Variants in SYT1 observed in about 807,000 individuals in gnomAD.
SYT1 encodes the protein synaptotagmin-1.
In SYT1, 8 loss-of-function variants were observed where a neutral mutation model predicts 44.8. The ratio of observed to expected loss-of-function variants is 0.18; its 90% CI spans 0.10 to 0.32. SYT1 has a LOEUF of 0.32. SYT1 is among the 10% of genes least tolerant of loss of function. SYT1 has a pLI of 1.00. For missense variants in SYT1, 286 were observed against 509.3 expected, an observed-to-expected ratio of 0.56 and a Z score of 4.22; for synonymous variants, 154 against 188.8, an observed-to-expected ratio of 0.82 and a Z score of 1.51.
chr12:79,087,918 A>G (rs962474095), intron 3 of SYT1, among the ~76,000 whole-genome samples: 33 of 152,068 alleles, frequency 2.2e-4, no homozygotes, highest in African/African-American at 7.2e-4. Flanking sequence ...GAGATACACA[A>G]ACTGATATTC....
intron 3 of SYT1, among the ~76,000 whole-genome samples, chr12:79,088,795 AG>A (rs1877575698): frequency 7.1e-6 from 1 of 140,904 alleles, no homozygotes; most frequent in Non-Finnish European, 1.6e-5. Context: ...TGTGTGTGTG[AG>A]GGGGCAGAGA....
intron 4 of SYT1, among the ~76,000 whole-genome samples, chr12:79,258,613 T>C (rs1877661252): frequency 6.6e-6 from 1 of 152,156 alleles, no homozygotes; most frequent in African/African-American, 2.4e-5. Context: ...AGGGTTTTCT[T>C]AGGAATAAAA....
At chr12:79,004,796 G>C (rs989132535) in intron 2 of SYT1, among the ~76,000 whole-genome samples, 1 of 151,902 alleles carries the variant, frequency 6.6e-6, no homozygotes, top group African/African-American at 2.4e-5. Context: ...AGGAAATGGA[G>C]CAGAAAGTGA....
intron 4 of SYT1, 76 bp from the exon 5 acceptor site, chr12:79,285,711 C>T (rs1879275703): frequency 8.8e-7 from 1 of 1,142,564 alleles, no homozygotes; most frequent in Non-Finnish European, 1.3e-6. Context: ...AAATGAATAT[C>T]TTTATAGCCC....
At chr12:79,078,920 A>G (rs936303388) in intron 3 of SYT1, among the ~76,000 whole-genome samples, 8 of 152,172 alleles carry the variant, frequency 5.3e-5, no homozygotes, top group African/African-American at 1.9e-4. Flanking sequence ...TGGAGAGTCC[A>G]TTGTACTCAA....
At chr12:79,135,604 C>G (rs1472774809) in intron 3 of SYT1, among the ~76,000 whole-genome samples, 2 of 151,992 alleles carry the variant, frequency 1.3e-5, no homozygotes, top group African/African-American at 4.8e-5. Context: ...ACTTGGGAAG[C>G]CTTTTGGATA....
chr12:79,341,051 T>C (rs1882348993), intron 8 of SYT1, among the ~76,000 whole-genome samples: 1 of 152,204 alleles, frequency 6.6e-6, no homozygotes, highest in Non-Finnish European at 1.5e-5. Context: ...GGCAAAGACA[T>C]GTTTTAATCA....
chr12:79,033,040 G>A (rs747238397), intron 2 of SYT1, among the ~76,000 whole-genome samples: 11 of 151,276 alleles, frequency 7.3e-5, no homozygotes, highest in Non-Finnish European at 1.5e-4. Flanking sequence ...CAGGAAATTT[G>A]CCTGTTCTAA....
intron 2 of SYT1, among the ~76,000 whole-genome samples, chr12:79,034,048 GAAGGCAAGCCCACA>G (rs1299188925): frequency 6.6e-6 from 1 of 151,452 alleles, no homozygotes; most frequent in East Asian, 1.9e-4. Context: ...AATTTATCCT[GAAGGCAAGCCCACA>G]ATATTAAATC....
intron 9 of SYT1, among the ~76,000 whole-genome samples, chr12:79,443,054 A>G (rs957978753): frequency 3.3e-5 from 5 of 152,206 alleles, no homozygotes; most frequent in Non-Finnish European, 7.3e-5. Context: ...ACATTCATCC[A>G]TTAGTAATGG....
chr12:79,405,669 A>G lies in SYT1; in HGVS notation c.929-38404A>G, dbSNP rs545757242. On this transcript the variant is annotated intron_variant, in intron 9 of 10. Transcript: ENST00000261205. ...ACAGAAAATCCTCTGTAAACAGTAG[A>G]GTAGGCAACTTGGGAATTACTTTTT... is the stretch of plus-strand genomic sequence containing the variant. Among the ~76,000 whole-genome samples, 8 of 152,292 alleles carry G rather than the reference A, an allele frequency of 5.3e-5. No homozygotes were observed. In the South Asian group the frequency reaches 1.7e-3, roughly 32 times the overall value.
intron 1 of SYT1, among the ~76,000 whole-genome samples, chr12:78,950,516 A>G (rs1173232405): frequency 3.9e-5 from 6 of 152,114 alleles, no homozygotes; most frequent in Non-Finnish European, 4.4e-5. Flanking sequence ...TCATAAAATC[A>G]AAACATTTGT....
At chr12:79,390,937 A>T (rs889551528) in intron 9 of SYT1, among the ~76,000 whole-genome samples, 4 of 151,908 alleles carry the variant, frequency 2.6e-5, no homozygotes, top group African/African-American at 9.7e-5. Flanking sequence ...TCTCTAACTC[A>T]TCCTGGAGAT....
At chr12:79,374,756 A>G (rs931115280) in intron 9 of SYT1, among the ~76,000 whole-genome samples, 13 of 152,224 alleles carry the variant, frequency 8.5e-5, no homozygotes, top group South Asian at 4.1e-4. Context: ...TTAAATGCCT[A>G]CTTACTAAGT....
intron 4 of SYT1, among the ~76,000 whole-genome samples, chr12:79,249,465 C>T (rs1275027896): frequency 6.6e-6 from 1 of 152,142 alleles, no homozygotes; most frequent in African/African-American, 2.4e-5. Flanking sequence ...TGAGAAATCA[C>T]ATGCATCCAG....
At chr12:78,889,792 G>C (rs564003689) in intron 1 of SYT1, among the ~76,000 whole-genome samples, 1 of 151,962 alleles carries the variant, frequency 6.6e-6, no homozygotes, top group East Asian at 1.9e-4. Flanking sequence ...AACACTTTTG[G>C]ATTTTGAAAA....
intron 9 of SYT1, among the ~76,000 whole-genome samples, chr12:79,437,139 A>G (rs1288519704): frequency 1.3e-5 from 2 of 152,204 alleles, no homozygotes; most frequent in Non-Finnish European, 2.9e-5. Context: ...CATAAGGTTT[A>G]TGGAGATATG....
chr12:79,011,994 T>C (rs560272012), intron 2 of SYT1, among the ~76,000 whole-genome samples: 29 of 151,970 alleles, frequency 1.9e-4, no homozygotes, highest in African/African-American at 6.8e-4. Context: ...TGGATGGGCA[T>C]GGTGGTGTGC....
intron 3 of SYT1, among the ~76,000 whole-genome samples, chr12:79,153,882 A>T (rs191385011): frequency 6.6e-6 from 1 of 152,276 alleles, no homozygotes; most frequent in East Asian, 1.9e-4. Context: ...GATATAAAAC[A>T]TGTACCCACA....
Sources: allele counts gnomAD v4.1 joint callset (sites outside exome capture counted in the v4.1 genomes callset), GRCh38; gene constraint gnomAD v4.1.1; transcripts MANE v1.5; gene names NCBI Gene and HGNC (gene_info 2026-07-23, HGNC 2026-07-21).